The following PRDM5 variants were observed in gnomAD, a reference collection of about 807,000 sequenced individuals.
PRDM5 encodes PR/SET domain 5.
PRDM5 carries 56 observed loss-of-function variants against 81.2 expected under a neutral mutation model. That is an observed-to-expected ratio of 0.69 (90% CI 0.56 to 0.86). PRDM5 has a LOEUF of 0.86. PRDM5 is among the 40% of genes least tolerant of loss of function. PRDM5 has a pLI of 0.00. For synonymous variants in PRDM5, 267 were observed against 256.4 expected (o/e 1.04, Z -0.39); for missense variants, 697 against 770.1 (o/e 0.91, Z 1.12).
chr4:120,805,740 A>G (rs1453947639), intron 8 of PRDM5, among the ~76,000 whole-genome samples: 2 of 152,218 alleles, frequency 1.3e-5, no homozygotes, highest in East Asian at 1.9e-4. Context: ...CACACAGCCA[A>G]TATCATACTG....
chr4:120,753,024 T>C (rs1472983377), intron 14 of PRDM5, among the ~76,000 whole-genome samples: 3 of 152,220 alleles, frequency 2.0e-5, no homozygotes, highest in Non-Finnish European at 4.4e-5. Context: ...AAAGATATTT[T>C]TTCCTGCAGT....
chr4:120,698,315 G>T (rs1308031385), intron 15 of PRDM5, among the ~76,000 whole-genome samples: 1 of 152,092 alleles, frequency 6.6e-6, no homozygotes, highest in Admixed American at 6.6e-5. Context: ...CATTTGACAT[G>T]CCTTTCCCCT....
At chr4:120,807,306 G>T (rs1753129411) in intron 8 of PRDM5, among the ~76,000 whole-genome samples, 1 of 152,212 alleles carries the variant, frequency 6.6e-6, no homozygotes, top group Admixed American at 6.5e-5. Flanking sequence ...TCCTCCGGGA[G>T]CTAGAACTAG....
Position 120,818,396 on chromosome 4 carries a change from T to C in PRDM5, c.607A>G (p.Asn203Asp). ...PTEEKEFKCKNCGKKFPVKQA... is the reference protein window; with the variant it reads ...PTEEKEFKCKDCGKKFPVKQA... ...TTAACTGGGAATTTCTTCCCACAGT[T>C]CTTGCACTTAAATTCTTTCTCCTCT... Residue 203 changes from asparagine to aspartate, a missense_variant, in exon 5 of 16, where the codon AAC becomes GAC. Physicochemically the swap from Asn to Asp is conservative, Grantham distance 23. Around this residue, in one of 3 missense-constraint regions of PRDM5, gnomAD observed 577 missense variants for 606.7 expected, o/e 0.95. Transcript: ENST00000264808. 2 of 1,614,084 alleles carry C rather than the reference T, an allele frequency of 1.2e-6. No individual in the cohort carries two copies. The highest frequency in any genetic ancestry group is 1.3e-5 in the African/African-American group (1 of 75,068).
chr4:120,906,212 C>T (rs1765775576), intron 2 of PRDM5, among the ~76,000 whole-genome samples: 1 of 152,070 alleles, frequency 6.6e-6, no homozygotes, highest in Admixed American at 6.6e-5. Context: ...CTCAAGCAAT[C>T]CTCCTGCCTT....
chr4:120,904,608 C>A (rs1185525808), intron 2 of PRDM5, among the ~76,000 whole-genome samples: 2 of 152,052 alleles, frequency 1.3e-5, no homozygotes, highest in Admixed American at 6.6e-5. Context: ...GAGCTGGAGA[C>A]AACTAGTGTG....
At chr4:120,699,484 CT>C (rs1376479441) in intron 15 of PRDM5, among the ~76,000 whole-genome samples, 1 of 151,974 alleles carries the variant, frequency 6.6e-6, no homozygotes, top group Non-Finnish European at 1.5e-5. Context: ...TAACAGTGCC[CT>C]GAAAGCAAAC....
intron 14 of PRDM5, among the ~76,000 whole-genome samples, chr4:120,723,223 C>T (rs1738882464): frequency 2.6e-5 from 4 of 152,178 alleles, no homozygotes; most frequent in Admixed American, 2.0e-4. Context: ...AGAATCCTGA[C>T]TCTAAAAATG....
chr4:120,812,987 G>A (rs1340750239), intron 7 of PRDM5: 1 of 160,908 alleles, frequency 6.2e-6, no homozygotes, highest in Non-Finnish European at 1.4e-5. Flanking sequence ...GGTTTTTTAA[G>A]ATAGAATTTA....
At chr4:120,723,115 A>G (rs1301379454) in intron 14 of PRDM5, among the ~76,000 whole-genome samples, 1 of 152,214 alleles carries the variant, frequency 6.6e-6, no homozygotes, top group Non-Finnish European at 1.5e-5. Flanking sequence ...AGTGACACAG[A>G]ATACTTCCAG....
At chr4:120,769,385 G>A (rs1746897882) in intron 13 of PRDM5, among the ~76,000 whole-genome samples, 1 of 152,152 alleles carries the variant, frequency 6.6e-6, no homozygotes, top group South Asian at 2.1e-4. Context: ...CAAGGCAGGG[G>A]TAGGGGACAG....
chr4:120,782,206 C>T (rs1379613892), intron 11 of PRDM5, among the ~76,000 whole-genome samples: 2 of 152,112 alleles, frequency 1.3e-5, no homozygotes, highest in Non-Finnish European at 2.9e-5. Flanking sequence ...TAGTATGTGA[C>T]TATATAAATA....
intron 14 of PRDM5, among the ~76,000 whole-genome samples, chr4:120,728,817 T>C (rs1271096568): frequency 6.6e-6 from 1 of 152,008 alleles, no homozygotes; most frequent in Non-Finnish European, 1.5e-5. Flanking sequence ...AATGGAGAGG[T>C]ACACCAAATA....
chr4:120,827,512 G>A (rs1293827254), intron 3 of PRDM5, among the ~76,000 whole-genome samples: 1 of 152,070 alleles, frequency 6.6e-6, no homozygotes, highest in African/African-American at 2.4e-5. Flanking sequence ...GTTTAGAAGA[G>A]TAGTCATATA....
At chr4:120,706,157 T>A (rs1736096313) in intron 15 of PRDM5, among the ~76,000 whole-genome samples, 1 of 151,180 alleles carries the variant, frequency 6.6e-6, no homozygotes, top group Non-Finnish European at 1.5e-5. Context: ...AGTGGCACGA[T>A]CTTGGCTCAC....
rs1553963976 is a variant in PRDM5 at position 120,774,902 on chromosome 4, A to ATATATATATATG, written c.1537+2285_1537+2286insCATATATATATA. Among the ~76,000 whole-genome samples, 688 of 146,046 alleles carry ATATATATATATG rather than the reference A, an allele frequency of 4.7e-3. 4 individuals are homozygous for ATATATATATATG. Among genetic ancestry groups the ATATATATATATG allele is most frequent in the African/African-American group, 0.015 (617 of 39,930 alleles). On this transcript the variant is annotated intron_variant, in intron 13 of 15. Transcript: ENST00000264808. ...TCTCTCTCTTTCTATATATATATATATATATGTATATGTATATGTATATAT... is the reference window on the plus strand; with the variant it reads ...TCTCTCTCTTTCTATATATATATATATATATATATATGTATATGTATATGTATATGTATATAT...
chr4:120,910,076 A>C (rs1766331415), intron 1 of PRDM5, among the ~76,000 whole-genome samples: 1 of 152,152 alleles, frequency 6.6e-6, no homozygotes, highest in African/African-American at 2.4e-5. Flanking sequence ...GCTTTAAAAA[A>C]AAAAAAGAGT....
rs1763629359 is a variant in PRDM5 at position 120,887,936 on chromosome 4, GCGCCCGCCACTA to G, written c.177+19526_177+19537del. 1.9e-5 allele frequency among the ~76,000 whole-genome samples: 2 copies of G among 105,690 alleles called. 1 individual carries two copies. Among genetic ancestry groups the G allele is most frequent in the East Asian group, 5.2e-4 (2 of 3,812 alleles). The allele number at this position is 105,690 out of a possible 152,430, so 69.3% of individuals were successfully genotyped here. On this transcript the variant is annotated intron_variant, in intron 2 of 15. Transcript: ENST00000264808. ...GCCTCCCAAGTAGCTGGGACTACAG[GCGCCCGCCACTA>G]CGCCCGGCTAATTTTTTGTATTTTT...
chr4:120,697,832 C>T (rs945834535), intron 15 of PRDM5, among the ~76,000 whole-genome samples: 5 of 151,160 alleles, frequency 3.3e-5, no homozygotes, highest in African/African-American at 9.7e-5. Flanking sequence ...ATTGTAATTT[C>T]AAAAATACTT....
Sources: gnomAD v4.1 joint callset for allele counts (sites outside exome capture counted in the v4.1 genomes callset) on GRCh38, gnomAD v4.1.1 for gene constraint, gnomAD v4.1.1 regional missense constraint, MANE v1.5 for transcripts, NCBI Gene and HGNC (gene_info 2026-07-23, HGNC 2026-07-21) for gene names.